GABBR2: variants seen among roughly 807,000 people sequenced by gnomAD.
The protein encoded by GABBR2 is G-protein coupled receptor 51.
GABBR2 carries 23 observed loss-of-function variants against 105.6 expected under a neutral mutation model. The observed-to-expected ratio is 0.22, with a 90% confidence interval of 0.16 to 0.31. GABBR2 has a LOEUF of 0.31. GABBR2 is among the 10% of genes least tolerant of loss of function. The pLI is 1.00. For missense variants in GABBR2, 734 were observed against 1,245.5 expected, an observed-to-expected ratio of 0.59 and a Z score of 6.18; for synonymous variants, 478 against 499.7, an observed-to-expected ratio of 0.96 and a Z score of 0.58.
At chr9:98,525,521 AG>A (rs1827940671) in intron 3 of GABBR2, among the ~76,000 whole-genome samples, 1 of 152,208 alleles carries the variant, frequency 6.6e-6, no homozygotes, top group East Asian at 1.9e-4. Context: ...AGTGTTTGCA[AG>A]GATGTGGAGA....
chr9:98,564,355 C>T (rs1828721018), intron 2 of GABBR2, among the ~76,000 whole-genome samples: 1 of 152,170 alleles, frequency 6.6e-6, no homozygotes, highest in Non-Finnish European at 1.5e-5. Context: ...TTATTTTCCC[C>T]AATCTGAGAA....
chr9:98,580,440 G>A (rs560734377), intron 1 of GABBR2, among the ~76,000 whole-genome samples: 1 of 152,238 alleles, frequency 6.6e-6, no homozygotes, highest in African/African-American at 2.4e-5. Flanking sequence ...TTTTGTCATC[G>A]TTTTCACTGC....
At chr9:98,569,695 G>A (rs1828800072) in intron 2 of GABBR2, among the ~76,000 whole-genome samples, 2 of 152,254 alleles carry the variant, frequency 1.3e-5, no homozygotes, top group Admixed American at 6.5e-5. Flanking sequence ...GTGAGACTTT[G>A]GCAAGGCCCC....
chr9:98,424,305 T>G (rs1377915545), intron 7 of GABBR2, among the ~76,000 whole-genome samples: 3 of 152,060 alleles, frequency 2.0e-5, no homozygotes, highest in Non-Finnish European at 2.9e-5. Flanking sequence ...AAACTCTCAA[T>G]AAATTAGGTA....
chr9:98,506,188 G>C (rs537960265), intron 3 of GABBR2, among the ~76,000 whole-genome samples: 14 of 152,166 alleles, frequency 9.2e-5, no homozygotes, highest in Non-Finnish European at 2.1e-4. Flanking sequence ...TGGCCTCATG[G>C]AGCTTCAGTG....
chr9:98,538,281 C>T (rs1037405349), intron 3 of GABBR2, among the ~76,000 whole-genome samples: 1 of 152,192 alleles, frequency 6.6e-6, no homozygotes, highest in Admixed American at 6.5e-5. Context: ...GAGATCAGCC[C>T]ACCTGGTACC....
At chr9:98,336,729 T>C (rs1831122487) in intron 13 of GABBR2, among the ~76,000 whole-genome samples, 1 of 152,124 alleles carries the variant, frequency 6.6e-6, no homozygotes. Flanking sequence ...TCTTCCAGAA[T>C]GGCAGATGTA....
intron 1 of GABBR2, chr9:98,707,335 A>G (rs1298133282): frequency 1.3e-5 from 2 of 152,330 alleles, no homozygotes; most frequent in East Asian, 3.9e-4. Context: ...AGAGGCGCCA[A>G]CCGAGCGTAC....
chr9:98,346,525 C>T (rs757776317), intron 13 of GABBR2, among the ~76,000 whole-genome samples: 6 of 152,178 alleles, frequency 3.9e-5, no homozygotes, highest in Non-Finnish European at 5.9e-5. Flanking sequence ...ATGAAATCAG[C>T]ATAATTAGCA....
chr9:98,383,765 A>T (rs769058810), intron 11 of GABBR2, among the ~76,000 whole-genome samples: 15 of 152,226 alleles, frequency 9.9e-5, no homozygotes, highest in Non-Finnish European at 2.1e-4. Flanking sequence ...ATTCGCAGAA[A>T]TCCTGGGAGC....
At chr9:98,588,761 T>C (rs946700424) in intron 1 of GABBR2, among the ~76,000 whole-genome samples, 1 of 152,092 alleles carries the variant, frequency 6.6e-6, no homozygotes, top group African/African-American at 2.4e-5. Flanking sequence ...CAATTAGGTG[T>C]GACCACCGAG....
At chr9:98,688,214 G>A (rs1830643646) in intron 1 of GABBR2, among the ~76,000 whole-genome samples, 1 of 152,012 alleles carries the variant, frequency 6.6e-6, no homozygotes, top group African/African-American at 2.4e-5. Context: ...AGTGAATCCT[G>A]AAAAAAGAAT....
rs553590447 is a variant in GABBR2, at chr9:98,378,396, C to T, written c.1663-6825G>A. On this transcript the variant is annotated intron_variant, in intron 11 of 18. Coordinates refer to ENST00000259455, the MANE Select transcript of GABBR2 (RefSeq NM_005458.8). ...TGGAACCGCCCTGCTTCCCGAGGTT[C>T]GAGGGTGGGGGCCACAATCCAGTGT... 3.9e-5 allele frequency among the ~76,000 whole-genome samples: 6 copies of T among 152,296 alleles called. No individual in the cohort carries two copies. In the South Asian group the frequency reaches 6.2e-4, roughly 16 times the overall value.
At chr9:98,655,566 G>A (rs1010745517) in intron 1 of GABBR2, among the ~76,000 whole-genome samples, 2 of 152,124 alleles carry the variant, frequency 1.3e-5, no homozygotes, top group Non-Finnish European at 1.5e-5. Context: ...ATTCACAATA[G>A]CAAGGACTTG....
chr9:98,638,110 T>G (rs576905386), intron 1 of GABBR2, among the ~76,000 whole-genome samples: 1 of 152,266 alleles, frequency 6.6e-6, no homozygotes, highest in African/African-American at 2.4e-5. Context: ...TCCAAAATCC[T>G]TTATGAAGAA....
At chr9:98,378,885 C>CT (rs376010937) in intron 11 of GABBR2, among the ~76,000 whole-genome samples, 138 of 152,310 alleles carry the variant, frequency 9.1e-4, no homozygotes, top group African/African-American at 3.2e-3. Flanking sequence ...AATATACATA[C>CT]TTTTTTTAAG....
At chr9:98,671,351 A>C (rs949530093) in intron 1 of GABBR2, among the ~76,000 whole-genome samples, 2 of 152,192 alleles carry the variant, frequency 1.3e-5, no homozygotes, top group Non-Finnish European at 2.9e-5. Flanking sequence ...ATGGGCAAGC[A>C]GTTATCTATT....
intron 2 of GABBR2, among the ~76,000 whole-genome samples, chr9:98,569,152 A>G (rs1828790792): frequency 6.6e-6 from 1 of 152,230 alleles, no homozygotes; most frequent in African/African-American, 2.4e-5. Context: ...AGAGAGCAGC[A>G]GCAACAGTTT....
chr9:98,314,339 T>C (rs1323349851), intron 13 of GABBR2, among the ~76,000 whole-genome samples: 1 of 152,182 alleles, frequency 6.6e-6, no homozygotes, highest in Non-Finnish European at 1.5e-5. Context: ...AATCTGGGTT[T>C]CTCCAGTGTG....
Sources: allele counts gnomAD v4.1 joint callset (sites outside exome capture counted in the v4.1 genomes callset), GRCh38; gene constraint gnomAD v4.1.1; transcripts MANE v1.5; gene names NCBI Gene and HGNC (gene_info 2026-07-23, HGNC 2026-07-21).